The following TENM2 variants were observed in gnomAD, a reference collection of about 807,000 sequenced individuals.
The protein encoded by TENM2 is teneurin-2.
A neutral mutation model predicts 245.2 loss-of-function variants in TENM2; 52 were observed. That is an observed-to-expected ratio of 0.21 (90% CI 0.17 to 0.27). The LOEUF is 0.27. TENM2 is among the 10% of genes least tolerant of loss of function. The pLI is 1.00. For missense variants in TENM2, 3,046 were observed against 3,666.8 expected, an observed-to-expected ratio of 0.83 and a Z score of 4.37; for synonymous variants, 1,363 against 1,438.9, an observed-to-expected ratio of 0.95 and a Z score of 1.19.
intron 2 of TENM2, among the ~76,000 whole-genome samples, chr5:167,773,631 G>T (rs762507486): frequency 1.3e-5 from 2 of 152,046 alleles, no homozygotes; most frequent in Admixed American, 1.3e-4. Context: ...CTGCTATTTG[G>T]TCATCAGATA....
At chr5:167,349,896 A>T (rs544772322) in intron 1 of TENM2, among the ~76,000 whole-genome samples, 1 of 145,872 alleles carries the variant, frequency 6.9e-6, no homozygotes, top group South Asian at 2.1e-4. Context: ...TTGAAAAATT[A>T]TAATTTTACA....
chr5:167,384,866 G>A (rs1294386059), intron 2 of TENM2, among the ~76,000 whole-genome samples: 3 of 152,156 alleles, frequency 2.0e-5, no homozygotes, highest in Non-Finnish European at 4.4e-5. Flanking sequence ...ATTAACCTCT[G>A]ACTACCATAT....
At chr5:167,055,755 C>A in the TENM2 span, among the ~76,000 whole-genome samples, 1 of 151,916 alleles carries the variant, frequency 6.6e-6, no homozygotes, top group Non-Finnish European at 1.5e-5. Flanking sequence ...TATATATTAA[C>A]CTTCTAACTG....
At chr5:167,186,919 T>C in the TENM2 span, among the ~76,000 whole-genome samples, 1 of 152,326 alleles carries the variant, frequency 6.6e-6, no homozygotes, top group Non-Finnish European at 1.5e-5. Flanking sequence ...CAAATCATGT[T>C]TGAACATTTC....
chr5:167,854,735 G>A (rs905527617), intron 2 of TENM2, among the ~76,000 whole-genome samples: 3 of 152,144 alleles, frequency 2.0e-5, no homozygotes, highest in African/African-American at 4.8e-5. Context: ...ATGTAAATGC[G>A]GTAGGAAGGA....
chr5:167,043,458 T>C, the TENM2 span, among the ~76,000 whole-genome samples: 1 of 152,084 alleles, frequency 6.6e-6, no homozygotes, highest in Non-Finnish European at 1.5e-5. Flanking sequence ...AGAAAATAGA[T>C]GTTTTATTGG....
At chr5:167,202,333 C>T in the TENM2 span, among the ~76,000 whole-genome samples, 1 of 152,098 alleles carries the variant, frequency 6.6e-6, no homozygotes, top group East Asian at 1.9e-4. Flanking sequence ...CTCTGTCAGC[C>T]TACTGCCCCT....
rs1170992436 is a variant in TENM2 at position 167,929,096 on chromosome 5, AG to A, written c.713-23491del. On this transcript the variant is annotated intron_variant, in intron 3 of 28. Transcript: ENST00000518659. ...AAGAAAGAAAGAAAGAAAGAAAGAA[AG>A]AAAGAAAGAAAGAAAGAAAGAAAGA... 5.0e-5 allele frequency among the ~76,000 whole-genome samples: 7 copies of A among 140,776 alleles called. No individual in the cohort carries two copies. The East Asian group carries it at 1.1e-3, about 23-fold the overall frequency. 92.4% of individuals were successfully genotyped at this position (140,776 alleles called of 152,430 possible).
At chr5:167,386,012 T>A (rs930482976) in intron 2 of TENM2, among the ~76,000 whole-genome samples, 3 of 152,020 alleles carry the variant, frequency 2.0e-5, no homozygotes, top group Admixed American at 2.0e-4. Flanking sequence ...CTTTTTCATA[T>A]AATGACTTAT....
At chr5:167,783,395 A>G (rs1392138834) in intron 2 of TENM2, among the ~76,000 whole-genome samples, 1 of 152,084 alleles carries the variant, frequency 6.6e-6, no homozygotes, top group East Asian at 1.9e-4. Flanking sequence ...GCAGACCCAC[A>G]TGGCACTGGC....
chr5:166,998,793 C>A, the TENM2 span, among the ~76,000 whole-genome samples: 3 of 152,092 alleles, frequency 2.0e-5, no homozygotes, highest in South Asian at 6.2e-4. Flanking sequence ...AAATTCGATT[C>A]TTTGGGTGCA....
chr5:168,195,390 T>A, intron 15 of TENM2, 95 bp downstream of exon 17: 1 of 1,436,332 alleles, frequency 7.0e-7, no homozygotes. Flanking sequence ...GGATTCCCCC[T>A]GGTGGACTGG....
chr5:167,009,664 C>T, the TENM2 span, among the ~76,000 whole-genome samples: 2 of 152,110 alleles, frequency 1.3e-5, no homozygotes, highest in Non-Finnish European at 2.9e-5. Context: ...TTATTGATCT[C>T]TGCATTTCAA....
chr5:167,947,698 A>G (rs573174227), intron 3 of TENM2, among the ~76,000 whole-genome samples: 3 of 152,270 alleles, frequency 2.0e-5, no homozygotes, highest in Non-Finnish European at 4.4e-5. Context: ...TTAAATTGCT[A>G]TTGAGATGTA....
intron 9 of TENM2, among the ~76,000 whole-genome samples, chr5:168,108,442 A>G (rs1432727613): frequency 1.3e-5 from 2 of 152,192 alleles, no homozygotes; most frequent in Non-Finnish European, 2.9e-5. Flanking sequence ...GACAACAGCC[A>G]TATTACCTAT....
chr5:167,914,879 G>T (rs761188268), intron 3 of TENM2, among the ~76,000 whole-genome samples: 5 of 152,050 alleles, frequency 3.3e-5, no homozygotes, highest in Non-Finnish European at 5.9e-5. Flanking sequence ...TTCTCATAAG[G>T]ACACCAGTCA....
chr5:167,556,074 C>A (rs1169232556), intron 2 of TENM2, among the ~76,000 whole-genome samples: 1 of 152,104 alleles, frequency 6.6e-6, no homozygotes, highest in East Asian at 1.9e-4. Context: ...TTCCCTTTCT[C>A]CTGTCTCCAT....
intron 2 of TENM2, among the ~76,000 whole-genome samples, chr5:167,735,172 C>A (rs1406152756): frequency 6.6e-6 from 1 of 152,160 alleles, no homozygotes; most frequent in Non-Finnish European, 1.5e-5. Flanking sequence ...GCAGCCACAT[C>A]CAGTGTCTGA....
intron 1 of TENM2, among the ~76,000 whole-genome samples, chr5:167,322,090 C>T (rs988843884): frequency 5.9e-5 from 9 of 152,086 alleles, no homozygotes; most frequent in Admixed American, 2.0e-4. Flanking sequence ...CCTCAGCCTC[C>T]CAAAGTGCTG....
Sources: allele counts gnomAD v4.1 joint callset (sites outside exome capture counted in the v4.1 genomes callset), GRCh38; gene constraint gnomAD v4.1.1; transcripts MANE v1.5; gene names NCBI Gene and HGNC (gene_info 2026-07-23, HGNC 2026-07-21).